Variants in HS3ST4 observed in about 807,000 individuals in gnomAD.
The protein encoded by HS3ST4 is heparan sulfate-glucosamine 3-sulfotransferase 4, also known as heparan sulfate glucosamine 3-O-sulfotransferase 4.
Under a neutral mutation model 29.2 loss-of-function variants are expected in HS3ST4, and 17 were observed. That is an observed-to-expected ratio of 0.58 (90% confidence interval 0.40 to 0.87). The LOEUF is 0.87. HS3ST4 is among the 40% of genes least tolerant of loss of function. HS3ST4 has a pLI of 0.00. For synonymous variants in HS3ST4, 314 were observed against 285.7 expected (o/e 1.10, Z -1.00); for missense variants, 627 against 634.5 (o/e 0.99, Z 0.13).
Position 25,948,365 on chromosome 16 carries a change from G to A in HS3ST4, c.735-187247G>A, listed in dbSNP as rs558024802. ...GCAATTTTTTTTTTCAGAGCATTTT[G>A]GATTTTAGGCTTCTGGATGAAGGTT... On this transcript the variant is annotated intron_variant, in intron 1 of 1. Coordinates refer to ENST00000331351, the MANE Select transcript of HS3ST4 (RefSeq NM_006040.3). Among the ~76,000 whole-genome samples, 4 of 152,078 alleles carry A rather than the reference G, an allele frequency of 2.6e-5. No homozygotes were observed. In the South Asian group the frequency reaches 8.3e-4, roughly 32 times the overall value.
Position 25,888,698 on chromosome 16 carries a change from G to A in HS3ST4, c.734+195547G>A, listed in dbSNP as rs372258425. 2.6e-5 allele frequency among the ~76,000 whole-genome samples: 4 copies of A among 152,192 alleles called. No individual in the cohort carries two copies. The East Asian group carries it at 7.7e-4, about 29-fold the overall frequency. On this transcript the variant is annotated intron_variant, in intron 1 of 1. Transcript: ENST00000331351. ...TTGCAGACAAAGTAGTAGAAGAGGAGCTAGTCCCTAAGATAAAGTGGGTAC... is the reference window on the plus strand; with the variant it reads ...TTGCAGACAAAGTAGTAGAAGAGGAACTAGTCCCTAAGATAAAGTGGGTAC...
chr16:25,765,915 C>G (rs1031751699), intron 1 of HS3ST4, among the ~76,000 whole-genome samples: 2 of 152,120 alleles, frequency 1.3e-5, no homozygotes, highest in Non-Finnish European at 2.9e-5. Context: ...CGTCTCTAGT[C>G]AAGGGAGAGG....
In HS3ST4 at chr16:25,692,691, G is replaced by C; in HGVS notation, c.274G>C (p.Gly92Arg). 4.9e-6 allele frequency: 6 copies of C among 1,230,782 alleles called. No homozygotes were observed. Among genetic ancestry groups the C allele is most frequent in the Non-Finnish European group, 6.1e-6 (6 of 989,492 alleles). The allele number at this position is 1,230,782 out of a possible 1,614,324, so 76.2% of individuals were successfully genotyped here. A position where few individuals can be genotyped will look rare whatever the true frequency, so the allele number is the denominator to read the frequency against. ...TCTGCTGCCTACCCCCGTGCGCCTC[G>C]GCGCCCCCTCGCAGCCGCCCGCGCC... is the stretch of plus-strand genomic sequence containing the variant. ...PSLLPTPVRL[G>R]APSQPPAPPP... is the part of the protein sequence containing the mutation. The change falls in exon 1 of 2, where the codon GGC becomes CGC. Residue 92 changes from glycine (G) to arginine (R), a missense_variant. Transcript: ENST00000331351.
intron 1 of HS3ST4, among the ~76,000 whole-genome samples, chr16:25,786,033 T>C (rs755947223): frequency 6.6e-6 from 1 of 152,090 alleles, no homozygotes; most frequent in Non-Finnish European, 1.5e-5. Flanking sequence ...GTGAGAGAGA[T>C]TGAATTTGGG....
intron 1 of HS3ST4, among the ~76,000 whole-genome samples, chr16:25,819,253 A>G (rs896092202): frequency 6.6e-6 from 1 of 152,214 alleles, no homozygotes; most frequent in African/African-American, 2.4e-5. Context: ...TATTGCACAC[A>G]GAGTTTTCTT....
intron 1 of HS3ST4, among the ~76,000 whole-genome samples, chr16:25,915,793 T>G (rs1567271751): frequency 6.6e-6 from 1 of 152,192 alleles, no homozygotes; most frequent in Admixed American, 6.5e-5. Flanking sequence ...TACAGCATAG[T>G]GGTTCAATAG....
chr16:26,097,019 C>A (rs1215795077), intron 1 of HS3ST4, among the ~76,000 whole-genome samples: 1 of 152,182 alleles, frequency 6.6e-6, no homozygotes, highest in Admixed American at 6.5e-5. Context: ...AGGAATCCAA[C>A]TTACAAGGGA....
At chr16:25,808,242 A>C (rs1162304804) in intron 1 of HS3ST4, among the ~76,000 whole-genome samples, 1 of 152,152 alleles carries the variant, frequency 6.6e-6, no homozygotes, top group Admixed American at 6.5e-5. Flanking sequence ...TTTTATTCTA[A>C]AAGTGTTATA....
chr16:26,065,914 T>C (rs1222444676), intron 1 of HS3ST4, among the ~76,000 whole-genome samples: 2 of 152,228 alleles, frequency 1.3e-5, no homozygotes, highest in African/African-American at 2.4e-5. Flanking sequence ...CACTGGCTTC[T>C]TAGTTGTGAT....
chr16:26,072,170 T>C (rs1314142136), intron 1 of HS3ST4, among the ~76,000 whole-genome samples: 2 of 152,186 alleles, frequency 1.3e-5, no homozygotes, highest in African/African-American at 2.4e-5. Context: ...TGTGTGGCCT[T>C]CAGCAAATGC....
chr16:25,924,069 A>G (rs918854012), intron 1 of HS3ST4, among the ~76,000 whole-genome samples: 5 of 152,144 alleles, frequency 3.3e-5, no homozygotes, highest in South Asian at 2.1e-4. Flanking sequence ...CTTGCATTCA[A>G]CATGCCCAAA....
intron 1 of HS3ST4, among the ~76,000 whole-genome samples, chr16:25,694,189 T>C (rs944256731): frequency 1.2e-4 from 18 of 152,236 alleles, no homozygotes; most frequent in African/African-American, 4.1e-4. Flanking sequence ...TCAGCTGAAG[T>C]GATGTTATCA....
chr16:25,738,782 C>T (rs1413573070), intron 1 of HS3ST4, among the ~76,000 whole-genome samples: 1 of 152,182 alleles, frequency 6.6e-6, no homozygotes, highest in Non-Finnish European at 1.5e-5. Flanking sequence ...CAGCTCACCT[C>T]CCTCCAGCTT....
chr16:25,956,981 G>A (rs183224838), intron 1 of HS3ST4, among the ~76,000 whole-genome samples: 6 of 134,556 alleles, frequency 4.5e-5, no homozygotes, highest in African/African-American at 1.4e-4. Flanking sequence ...CTGGGCAACA[G>A]AGCGAGACTC....
intron 1 of HS3ST4, among the ~76,000 whole-genome samples, chr16:25,963,859 T>C (rs4787789): frequency 0.096 from 14,589 of 152,100 alleles, 974 homozygotes; most frequent in African/African-American, 0.17. Flanking sequence ...TATAACAAAA[T>C]CAAAGCACAC....
At chr16:25,879,928 G>A (rs901398140) in intron 1 of HS3ST4, among the ~76,000 whole-genome samples, 2 of 152,048 alleles carry the variant, frequency 1.3e-5, no homozygotes, top group Admixed American at 6.5e-5. Flanking sequence ...TTTATAAAGC[G>A]ATCAGATCTT....
intron 1 of HS3ST4, among the ~76,000 whole-genome samples, chr16:26,001,197 A>G (rs1314354731): frequency 2.0e-5 from 3 of 152,212 alleles, no homozygotes; most frequent in African/African-American, 7.2e-5. Context: ...TCAATATTAA[A>G]TTCAACAAAG....
At chr16:25,778,240 A>T (rs930201834) in intron 1 of HS3ST4, among the ~76,000 whole-genome samples, 7 of 152,304 alleles carry the variant, frequency 4.6e-5, no homozygotes, top group African/African-American at 1.4e-4. Context: ...GGCCTCACCT[A>T]TCTCCAGGGA....
At chr16:25,898,534 G>A (rs1475526905) in intron 1 of HS3ST4, among the ~76,000 whole-genome samples, 1 of 152,194 alleles carries the variant, frequency 6.6e-6, no homozygotes, top group Admixed American at 6.5e-5. Context: ...TACCACGTAT[G>A]CCATATGTAT....
Sources: gnomAD v4.1 joint callset for allele counts (sites outside exome capture counted in the v4.1 genomes callset) on GRCh38, gnomAD v4.1.1 for gene constraint, MANE v1.5 for transcripts, NCBI Gene and HGNC (gene_info 2026-07-23, HGNC 2026-07-21) for gene names.